Variants in QTMAN observed in about 807,000 individuals in gnomAD.
QTMAN encodes the protein queuosine-tRNA mannosyltransferase.
At chr2:144,029,773 CAA>C in the QTMAN span, among the ~76,000 whole-genome samples, 1 of 151,984 alleles carries the variant, frequency 6.6e-6, no homozygotes, top group Non-Finnish European at 1.5e-5. Context: ...AAAACACTAT[CAA>C]GTCATAACTT....
the QTMAN span, among the ~76,000 whole-genome samples, chr2:144,270,671 G>A: frequency 2.0e-5 from 3 of 150,756 alleles, no homozygotes; most frequent in East Asian, 3.9e-4. Flanking sequence ...GGGGGCAAGG[G>A]GAGGGATAGC....
At chr2:144,083,866 G>A in the QTMAN span, among the ~76,000 whole-genome samples, 8 of 152,172 alleles carry the variant, frequency 5.3e-5, no homozygotes, top group African/African-American at 1.9e-4. Context: ...AGAAGCTTAT[G>A]TGGTATTTCA....
chr2:144,203,959 C>G, the QTMAN span, among the ~76,000 whole-genome samples: 9 of 152,140 alleles, frequency 5.9e-5, no homozygotes, highest in African/African-American at 1.9e-4. Context: ...AAAGCTGAAA[C>G]TGGATCCCTT....
At chr2:144,050,403 C>T in the QTMAN span, among the ~76,000 whole-genome samples, 1 of 151,988 alleles carries the variant, frequency 6.6e-6, no homozygotes, top group African/African-American at 2.4e-5. Flanking sequence ...AAATCAGCTG[C>T]CTTACTAGGT....
chr2:144,085,109 A>G, the QTMAN span, among the ~76,000 whole-genome samples: 10 of 152,350 alleles, frequency 6.6e-5, no homozygotes, highest in Admixed American at 6.5e-4. Flanking sequence ...GTAAAGAACT[A>G]GATTATAAAT....
the QTMAN span, among the ~76,000 whole-genome samples, chr2:144,153,020 A>G: frequency 6.6e-6 from 1 of 152,188 alleles, no homozygotes; most frequent in African/African-American, 2.4e-5. Flanking sequence ...CAGGGGTGGC[A>G]GAAGAGGCCC....
chr2:143,968,187 G>C, the QTMAN span, among the ~76,000 whole-genome samples: 25 of 152,162 alleles, frequency 1.6e-4, no homozygotes, highest in Non-Finnish European at 7.4e-5. Flanking sequence ...TGAAATGGTA[G>C]AGATGAACCA....
the QTMAN span, among the ~76,000 whole-genome samples, chr2:144,027,194 G>A: frequency 9.2e-5 from 14 of 152,072 alleles, no homozygotes; most frequent in African/African-American, 2.9e-4. Flanking sequence ...TACCAATTAC[G>A]TTTCCACTGA....
the QTMAN span, among the ~76,000 whole-genome samples, chr2:144,251,268 AATT>A: frequency 6.6e-6 from 1 of 152,328 alleles, no homozygotes; most frequent in African/African-American, 2.4e-5. Flanking sequence ...TTAGTTTACT[AATT>A]ATTATTTTAA....
At chr2:144,011,114 T>C in the QTMAN span, among the ~76,000 whole-genome samples, 1 of 152,178 alleles carries the variant, frequency 6.6e-6, no homozygotes, top group African/African-American at 2.4e-5. Context: ...CTATTCATTA[T>C]AGTGATTGTC....
chr2:144,016,327 T>C, the QTMAN span, among the ~76,000 whole-genome samples: 107 of 152,314 alleles, frequency 7.0e-4, no homozygotes, highest in Middle Eastern at 6.8e-3. Flanking sequence ...ACTTAATAAT[T>C]TGTTCATCAT....
chr2:144,123,603 C>T, the QTMAN span, among the ~76,000 whole-genome samples: 57 of 152,244 alleles, frequency 3.7e-4, no homozygotes, highest in African/African-American at 1.3e-3. Flanking sequence ...TAGACCAAGG[C>T]TGTTTTAAGT....
chr2:144,092,870 GGTGTGTGTGTGTGTGTGTGTGTGT>G, the QTMAN span, among the ~76,000 whole-genome samples: 1 of 140,644 alleles, frequency 7.1e-6, no homozygotes, highest in Non-Finnish European at 1.5e-5. Context: ...AAACTTTTGG[GGTGTGTGTGTGTGTGTGTGTGTGT>G]GTGTGTGTGT....
At chr2:143,990,067 T>G in the QTMAN span, among the ~76,000 whole-genome samples, 1 of 152,064 alleles carries the variant, frequency 6.6e-6, no homozygotes, top group Non-Finnish European at 1.5e-5. Flanking sequence ...CACATGGGTA[T>G]TTACTATGTG....
At chr2:144,229,862 T>TAGAG in the QTMAN span, among the ~76,000 whole-genome samples, 1 of 152,152 alleles carries the variant, frequency 6.6e-6, no homozygotes, top group Non-Finnish European at 1.5e-5. Context: ...CAGTCACAGG[T>TAGAG]AGAGGCTTCC....
the QTMAN span, among the ~76,000 whole-genome samples, chr2:144,268,936 C>T: frequency 7.9e-5 from 12 of 152,212 alleles, no homozygotes; most frequent in South Asian, 8.3e-4. Flanking sequence ...ATTACAGGCA[C>T]CTGCCATCAT....
the QTMAN span, among the ~76,000 whole-genome samples, chr2:144,241,414 C>T: frequency 2.3e-4 from 35 of 152,256 alleles, no homozygotes; most frequent in East Asian, 6.0e-3. Flanking sequence ...ATTTCTTTAA[C>T]GTCGAATGTG....
At chr2:143,956,429 A>AT in the QTMAN span, among the ~76,000 whole-genome samples, 1 of 152,164 alleles carries the variant, frequency 6.6e-6, no homozygotes, top group African/African-American at 2.4e-5. Context: ...ATATATCTGT[A>AT]TATGTATATT....
chr2:143,990,841 A>G, the QTMAN span, among the ~76,000 whole-genome samples: 1 of 152,246 alleles, frequency 6.6e-6, no homozygotes, highest in South Asian at 2.1e-4. Context: ...CAAACATGGG[A>G]TACAAAAGTA....
Sources: allele counts gnomAD v4.1 joint callset (sites outside exome capture counted in the v4.1 genomes callset), GRCh38; gene constraint gnomAD v4.1.1; transcripts MANE v1.5; gene names NCBI Gene and HGNC (gene_info 2026-07-23, HGNC 2026-07-21).